Variants in AGBL4 observed in about 807,000 individuals in gnomAD.
The protein encoded by AGBL4 is AGBL carboxypeptidase 4.
A neutral mutation model predicts 66.4 loss-of-function variants in AGBL4; 58 were observed. The ratio of observed to expected loss-of-function variants is 0.87; its 90% CI spans 0.71 to 1.09. AGBL4 has a LOEUF of 1.09. AGBL4 is among the 50% of genes least tolerant of loss of function. The pLI is 0.00. For synonymous variants in AGBL4, 234 were observed against 222.9 expected (o/e 1.05, Z -0.44); for missense variants, 579 against 631.0 (o/e 0.92, Z 0.88).
At chr1:48,805,033 A>G (rs1390940364) in intron 6 of AGBL4, among the ~76,000 whole-genome samples, 1 of 152,136 alleles carries the variant, frequency 6.6e-6, no homozygotes, top group East Asian at 1.9e-4. Flanking sequence ...CCCTGCAGTG[A>G]TGCTACCCAA....
At chr1:49,552,723 G>A (rs543696950) in intron 3 of AGBL4, among the ~76,000 whole-genome samples, 2 of 152,158 alleles carry the variant, frequency 1.3e-5, no homozygotes, top group African/African-American at 4.8e-5. Context: ...GGGATTGCTG[G>A]TTTGTTCTTA....
intron 1 of AGBL4, among the ~76,000 whole-genome samples, chr1:49,973,398 G>A (rs1183825072): frequency 6.6e-6 from 1 of 151,946 alleles, no homozygotes; most frequent in Non-Finnish European, 1.5e-5. Flanking sequence ...CCCTTCAAAT[G>A]CTCAATAGCT....
At chr1:48,867,892 T>A (rs1337678188) in intron 5 of AGBL4, among the ~76,000 whole-genome samples, 3 of 152,216 alleles carry the variant, frequency 2.0e-5, no homozygotes, top group Admixed American at 6.5e-5. Context: ...TGGAAGCAAC[T>A]GGCCTTGGAT....
At position 49,365,780 on chromosome 1, in the gene AGBL4, A is replaced by C. The variant is rs74804507; in HGVS notation, c.283-119916T>G. 8.0e-3 allele frequency among the ~76,000 whole-genome samples: 1,213 copies of C among 152,166 alleles called. 11 individuals carry two copies. The highest frequency in any genetic ancestry group is 0.012 in the Non-Finnish European group (788 of 68,018). ...TTGTTTTCCGTTTCTTCACCAGCAC[A>C]GAGAGGGTGCAAGAAAGAAGAAAAG... On this transcript the variant is annotated intron_variant, in intron 3 of 13. Transcript: ENST00000371839.
intron 2 of AGBL4, among the ~76,000 whole-genome samples, chr1:49,775,072 T>C (rs1018017960): frequency 2.6e-5 from 4 of 152,150 alleles, no homozygotes; most frequent in African/African-American, 9.7e-5. Context: ...CTATGATTGA[T>C]ATAGAAATGG....
chr1:48,733,661 G>A (rs1334424733), intron 6 of AGBL4, among the ~76,000 whole-genome samples: 1 of 152,158 alleles, frequency 6.6e-6, no homozygotes, highest in Non-Finnish European at 1.5e-5. Context: ...CTACATTGCT[G>A]CACTGCTACA....
At position 49,952,802 on chromosome 1, in the gene AGBL4, G is replaced by A. The variant is rs1656274717; in HGVS notation, c.34+70961C>T. ...TTGCAGATACAGGTGGGATGGTAAAGATATATGTACATTGAGAAGCAACAA... is the reference window on the plus strand; with the variant it reads ...TTGCAGATACAGGTGGGATGGTAAAAATATATGTACATTGAGAAGCAACAA... On this transcript the variant is annotated intron_variant, in intron 1 of 13. Coordinates refer to ENST00000371839, the MANE Select transcript of AGBL4 (RefSeq NM_032785.4). Among the ~76,000 whole-genome samples, 2 of 151,972 alleles carry A rather than the reference G, an allele frequency of 1.3e-5. 1 individual carries two copies. The highest frequency in any genetic ancestry group is 4.1e-4 in the South Asian group (2 of 4,830).
At chr1:49,232,494 C>G (rs1211987333) in intron 4 of AGBL4, among the ~76,000 whole-genome samples, 1 of 151,862 alleles carries the variant, frequency 6.6e-6, no homozygotes, top group Admixed American at 6.6e-5. Context: ...GTCAGGAGAT[C>G]GAGACCATCC....
At chr1:49,972,869 G>T (rs1557631080) in intron 1 of AGBL4, among the ~76,000 whole-genome samples, 2 of 152,174 alleles carry the variant, frequency 1.3e-5, no homozygotes, top group African/African-American at 4.8e-5. Context: ...GATAAAGGGG[G>T]ACTACTGTAC....
At chr1:48,755,329 A>C (rs907595682) in intron 6 of AGBL4, among the ~76,000 whole-genome samples, 20 of 152,318 alleles carry the variant, frequency 1.3e-4, no homozygotes, top group African/African-American at 4.8e-4. Context: ...TGATTCTTCC[A>C]GACAGGTAGA....
chr1:49,950,085 T>C (rs1204888500), intron 1 of AGBL4, among the ~76,000 whole-genome samples: 117 of 128,392 alleles, frequency 9.1e-4, no homozygotes, highest in African/African-American at 3.3e-3. Context: ...CACATATGTG[T>C]ATATATATAC....
At chr1:48,540,577 C>G (rs1644050227) in intron 11 of AGBL4, among the ~76,000 whole-genome samples, 1 of 152,098 alleles carries the variant, frequency 6.6e-6, no homozygotes, top group Non-Finnish European at 1.5e-5. Flanking sequence ...CCTCTCTTCC[C>G]AGAACTGTGA....
At chr1:48,950,950 A>G (rs1026546081) in intron 5 of AGBL4, among the ~76,000 whole-genome samples, 2 of 152,168 alleles carry the variant, frequency 1.3e-5, no homozygotes, top group South Asian at 4.1e-4. Flanking sequence ...ACATTGTCCA[A>G]CAGCCTTTTC....
chr1:48,776,651 A>G, intron 6 of AGBL4: 1 of 1,483,246 alleles, frequency 6.7e-7, no homozygotes, highest in Non-Finnish European at 8.9e-7. Flanking sequence ...AGCGCGCCCC[A>G]GTCGCGGGGG....
intron 3 of AGBL4, among the ~76,000 whole-genome samples, chr1:49,576,876 C>T (rs1361011976): frequency 6.6e-6 from 1 of 152,136 alleles, no homozygotes; most frequent in East Asian, 1.9e-4. Flanking sequence ...CCACCTGAAA[C>T]TGGACAGCTG....
At chr1:49,829,172 T>C (rs913679032) in intron 2 of AGBL4, among the ~76,000 whole-genome samples, 1 of 152,152 alleles carries the variant, frequency 6.6e-6, no homozygotes, top group Non-Finnish European at 1.5e-5. Flanking sequence ...ATTCAGGATA[T>C]TTAAGCACAA....
At chr1:49,499,981 A>G (rs1037151276) in intron 3 of AGBL4, among the ~76,000 whole-genome samples, 1 of 152,072 alleles carries the variant, frequency 6.6e-6, no homozygotes, top group Non-Finnish European at 1.5e-5. Context: ...ACTAGTTTAC[A>G]TTCCCAATGG....
chr1:49,359,964 G>C (rs907125124), intron 3 of AGBL4, among the ~76,000 whole-genome samples: 1 of 152,090 alleles, frequency 6.6e-6, no homozygotes, highest in Admixed American at 6.5e-5. Flanking sequence ...TATGATGATG[G>C]CTCCCAAGAG....
rs543505271 is a variant in AGBL4 at position 49,111,654 on chromosome 1, A to T, written c.378-65854T>A. On this transcript the variant is annotated intron_variant, in intron 4 of 13. Transcript: ENST00000371839. ...TAATAGCTTATCACAGTTTTAAATTATATATGTATTTCATTGCTTACTTGT... is the reference window on the plus strand; with the variant it reads ...TAATAGCTTATCACAGTTTTAAATTTTATATGTATTTCATTGCTTACTTGT... Among the ~76,000 whole-genome samples, 4 of 152,308 alleles carry T rather than the reference A, an allele frequency of 2.6e-5. No individual in the cohort carries two copies. In the South Asian group the frequency reaches 8.3e-4, roughly 32 times the overall value.
Sources: allele counts gnomAD v4.1 joint callset (sites outside exome capture counted in the v4.1 genomes callset), GRCh38; gene constraint gnomAD v4.1.1; transcripts MANE v1.5; gene names NCBI Gene and HGNC (gene_info 2026-07-23, HGNC 2026-07-21).